The following IQSEC1 variants were observed in gnomAD, a reference collection of about 807,000 sequenced individuals.
IQSEC1 encodes IQ motif and Sec7 domain ArfGEF 1.
A neutral mutation model predicts 91.0 loss-of-function variants in IQSEC1; 31 were observed. The ratio of observed to expected loss-of-function variants is 0.34; its 90% CI spans 0.26 to 0.46. The LOEUF (loss-of-function observed/expected upper bound fraction) is 0.46. Ranked by LOEUF, IQSEC1 falls within the 20% of genes least tolerant of loss-of-function variation. The pLI is 1.00. For synonymous variants in IQSEC1, 699 were observed against 662.6 expected (o/e 1.05, Z -0.84); for missense variants, 1,388 against 1,575.6 (o/e 0.88, Z 2.02).
chr3:13,191,177 T>C (rs140938326), intron 1 of IQSEC1, among the ~76,000 whole-genome samples: 213 of 152,346 alleles, frequency 1.4e-3, no homozygotes, highest in Non-Finnish European at 1.6e-3. Context: ...CAGGTTGGCC[T>C]GGACACAGAA....
At chr3:12,956,566 G>A (rs545832336) in intron 1 of IQSEC1, among the ~76,000 whole-genome samples, 1 of 152,310 alleles carries the variant, frequency 6.6e-6, no homozygotes, top group African/African-American at 2.4e-5. Flanking sequence ...GTTTCCTAGG[G>A]TTAGAATATA....
intron 1 of IQSEC1, among the ~76,000 whole-genome samples, chr3:13,279,691 G>A (rs1695753659): frequency 1.3e-5 from 2 of 152,218 alleles, no homozygotes; most frequent in African/African-American, 4.8e-5. Flanking sequence ...GAATCTGGAG[G>A]CTGAGTAGGA....
intron 1 of IQSEC1, among the ~76,000 whole-genome samples, chr3:13,060,331 T>G (rs1484692819): frequency 2.0e-5 from 3 of 150,578 alleles, no homozygotes; most frequent in South Asian, 4.2e-4. Flanking sequence ...ACGGTGGGAG[T>G]AGGAAGGCTG....
intron 1 of IQSEC1, among the ~76,000 whole-genome samples, chr3:13,215,069 G>A (rs1288616939): frequency 6.6e-6 from 1 of 152,200 alleles, no homozygotes; most frequent in South Asian, 2.1e-4. Context: ...AGGTGGTGGG[G>A]ATGCAGCTCC....
intron 1 of IQSEC1, among the ~76,000 whole-genome samples, chr3:13,275,569 T>C (rs1373223638): frequency 6.6e-6 from 1 of 152,052 alleles, no homozygotes; most frequent in African/African-American, 2.4e-5. Flanking sequence ...GACACCATCC[T>C]CCTCCTCTCT....
rs891890242 is a variant in IQSEC1 at position 12,935,314 on chromosome 3, T to G, written c.1568+134A>C. The G allele has an allele frequency of 1.1e-5, 9 of 844,654 alleles. No individual in the cohort carries two copies. In the African/African-American group the frequency reaches 1.2e-4, roughly 11 times the overall value. The allele number at this position is 844,654 out of a possible 1,614,324, so 52.3% of individuals were successfully genotyped here. A position where few individuals can be genotyped will look rare whatever the true frequency, so the allele number is the denominator to read the frequency against. ...CTGGCACCGTCCTAGCCACCGACCTTGTGTGGCAGCTTCCTATGCTCATAG... is the reference window on the plus strand; with the variant it reads ...CTGGCACCGTCCTAGCCACCGACCTGGTGTGGCAGCTTCCTATGCTCATAG... On this transcript the variant is annotated intron_variant, in intron 3 of 13. Transcript: ENST00000613206. This position sits in a 1 kb window ranked among gnomAD's most constrained non-coding sequence, Gnocchi z 8.0.
chr3:13,251,070 C>A (rs1312950880), intron 1 of IQSEC1, among the ~76,000 whole-genome samples: 1 of 152,218 alleles, frequency 6.6e-6, no homozygotes, highest in East Asian at 1.9e-4. Flanking sequence ...CCGGCTCCCC[C>A]TCAGTCACAC....
At chr3:13,049,831 G>T (rs563623554) in intron 1 of IQSEC1, among the ~76,000 whole-genome samples, 2 of 152,186 alleles carry the variant, frequency 1.3e-5, no homozygotes, top group Non-Finnish European at 2.9e-5. Flanking sequence ...CAGAGGTACG[G>T]TCACACCCTA....
intron 1 of IQSEC1, among the ~76,000 whole-genome samples, chr3:13,168,329 C>A (rs534336061): frequency 6.6e-6 from 1 of 152,276 alleles, no homozygotes; most frequent in African/African-American, 2.4e-5. Context: ...TGGAGGTAAT[C>A]GCTATCACAT....
intron 1 of IQSEC1, among the ~76,000 whole-genome samples, chr3:13,017,859 G>A (rs1255675509): frequency 6.6e-6 from 1 of 152,142 alleles, no homozygotes; most frequent in Non-Finnish European, 1.5e-5. Flanking sequence ...GAGAAGTGGC[G>A]GCTCTGCTCT....
intron 2 of IQSEC1, among the ~76,000 whole-genome samples, chr3:13,138,684 A>C (rs1311175242): frequency 6.6e-6 from 1 of 151,916 alleles, no homozygotes; most frequent in East Asian, 1.9e-4. Context: ...TTGTGCCACC[A>C]TGACCTTGTG....
intron 1 of IQSEC1, among the ~76,000 whole-genome samples, chr3:13,172,812 C>G (rs1189398738): frequency 6.6e-6 from 1 of 152,176 alleles, no homozygotes; most frequent in Non-Finnish European, 1.5e-5. Context: ...ACGGTGAGCT[C>G]TGCCGCCTCC....
chr3:13,179,775 CGG>C (rs1331894463), intron 1 of IQSEC1, among the ~76,000 whole-genome samples: 1 of 152,204 alleles, frequency 6.6e-6, no homozygotes, highest in Non-Finnish European at 1.5e-5. Flanking sequence ...GGGCGGGAAC[CGG>C]GGCTATGCAC....
At chr3:13,230,708 C>T (rs1456324503) in intron 1 of IQSEC1, among the ~76,000 whole-genome samples, 1 of 152,186 alleles carries the variant, frequency 6.6e-6, no homozygotes, top group Non-Finnish European at 1.5e-5. Flanking sequence ...AAGCTCTGCC[C>T]TTGTCTGCAG....
chr3:13,194,569 C>T (rs1694093661), intron 1 of IQSEC1, among the ~76,000 whole-genome samples: 1 of 152,122 alleles, frequency 6.6e-6, no homozygotes, highest in Non-Finnish European at 1.5e-5. Flanking sequence ...CTCAGAGCTG[C>T]TTTCTACAAG....
chr3:13,038,262 G>GTGTA lies in IQSEC1; in HGVS notation c.23+34729_23+34730insTACA, dbSNP rs1491471643. On this transcript the variant is annotated intron_variant, in intron 1 of 13. Coordinates refer to ENST00000613206, the MANE Select transcript of IQSEC1 (RefSeq NM_001134382.3). ...CAAGTATATATATGTGTGTGTGTGT[G>GTGTA]TATATATATATATATATATATATAT... is the stretch of plus-strand genomic sequence containing the variant. Among the ~76,000 whole-genome samples, 292 of 101,200 alleles carry GTGTA rather than the reference G, an allele frequency of 2.9e-3. 1 individual carries two copies. The highest frequency in any genetic ancestry group is 4.2e-3 in the Non-Finnish European group (214 of 51,472). 66.4% of individuals were successfully genotyped at this position (101,200 alleles called of 152,430 possible).
intron 1 of IQSEC1, among the ~76,000 whole-genome samples, chr3:13,205,635 C>T (rs1005282242): frequency 1.3e-5 from 2 of 150,858 alleles, no homozygotes; most frequent in African/African-American, 4.9e-5. Context: ...TACATCCCTC[C>T]ATCCATCCAT....
At chr3:12,971,629 T>C (rs1476441071) in intron 1 of IQSEC1, among the ~76,000 whole-genome samples, 1 of 152,240 alleles carries the variant, frequency 6.6e-6, no homozygotes, top group Non-Finnish European at 1.5e-5. Context: ...AGTATGCTTA[T>C]ATAAGATTGT....
intron 1 of IQSEC1, among the ~76,000 whole-genome samples, chr3:13,044,863 C>G (rs982481466): frequency 7.9e-5 from 12 of 152,390 alleles, no homozygotes; most frequent in African/African-American, 2.9e-4. Flanking sequence ...AAGCTTGCCC[C>G]CAGCAGCAGA....
Sources: allele counts gnomAD v4.1 joint callset (sites outside exome capture counted in the v4.1 genomes callset), GRCh38; gene constraint gnomAD v4.1.1; non-coding constraint Gnocchi (gnomAD v3.1); transcripts MANE v1.5; gene names NCBI Gene and HGNC (gene_info 2026-07-23, HGNC 2026-07-21).